Variants in OR6N2 observed in about 807,000 individuals in gnomAD.
The protein encoded by OR6N2 is olfactory receptor family 6 subfamily N member 2, also known as olfactory receptor 6N2.
For missense variants in OR6N2, 399 were observed against 379.7 expected, an observed-to-expected ratio of 1.05 and a Z score of -0.42; for synonymous variants, 160 against 138.3, an observed-to-expected ratio of 1.16 and a Z score of -1.10.
At chr1:158,778,133 A>T (rs1657657533) in intron 1 of OR6N2, among the ~76,000 whole-genome samples, 1 of 152,226 alleles carries the variant, frequency 6.6e-6, no homozygotes, top group Admixed American at 6.5e-5. Context: ...TGTAGTAGCA[A>T]ATATTTTCCT....
rs1657641279 is a variant in OR6N2 at position 158,777,603 on chromosome 1, T to C, written c.33A>G (p.Glu11=). The C allele has an allele frequency of 1.2e-6, 2 of 1,613,646 alleles. No individual in the cohort carries two copies. The highest frequency in any genetic ancestry group is 8.5e-7 in the Non-Finnish European group (1 of 1,179,852). The change falls in exon 2 of 2, where the codon GAA becomes GAG. Residue 11 remains glutamate, a synonymous_variant. Transcript: ENST00000641131. MDQYNHSSLA[E]FVFLGFASVG... ...CACTGGCAAAGCCAAGGAACACAAA[T>C]TCAGCCAGGCTTGAATGGTTGTATT...
Position 158,776,796 on chromosome 1 carries a change from T to C in OR6N2, c.840A>G (p.Val280=), listed in dbSNP as rs2102014466. The change falls in exon 2 of 2, where the codon GTA becomes GTG. Residue 280 remains valine (V), a synonymous_variant. Transcript: ENST00000641131. The part of the protein sequence containing the change: ...LDRTLAIVYS[V]LTPMVNPIIY... Reference sequence around the variant, plus strand: ...TAATTGGATTGACCATTGGTGTTAGTACGGAGTAAACTATAGCAAGTGTTC... The same window carrying C: ...TAATTGGATTGACCATTGGTGTTAGCACGGAGTAAACTATAGCAAGTGTTC... 6.2e-7 allele frequency: 1 copy of C among 1,614,068 alleles called. No individual in the cohort carries two copies. The highest frequency in any genetic ancestry group is 1.1e-5 in the South Asian group (1 of 91,084).
At chr1:158,779,727 C>A (rs1657702802) in intron 1 of OR6N2, among the ~76,000 whole-genome samples, 1 of 152,182 alleles carries the variant, frequency 6.6e-6, no homozygotes, top group Non-Finnish European at 1.5e-5. Flanking sequence ...TAAGTCATCT[C>A]TCTTCTCTCC....
At chr1:158,778,655 G>C (rs1464208707) in intron 1 of OR6N2, among the ~76,000 whole-genome samples, 1 of 152,156 alleles carries the variant, frequency 6.6e-6, no homozygotes, top group Admixed American at 6.5e-5. Flanking sequence ...AGATGAAGGT[G>C]TGAATTTGCC....
At chr1:158,779,300 C>A (rs559393046) in intron 1 of OR6N2, among the ~76,000 whole-genome samples, 29 of 131,794 alleles carry the variant, frequency 2.2e-4, no homozygotes, top group Admixed American at 1.6e-3. Context: ...GATCATACTG[C>A]AATTGAAGAG....
rs1185910575 is a variant in OR6N2 at position 158,774,468 on chromosome 1, G to A, written c.*2214C>T. 1 of 152,098 alleles carries A rather than the reference G, an allele frequency of 6.6e-6. No individual in the cohort carries two copies. Among genetic ancestry groups the A allele is most frequent in the Non-Finnish European group, 1.5e-5 (1 of 68,042 alleles). The allele number at this position is 152,098 out of a possible 1,614,324, so 9.4% of individuals were successfully genotyped here. A position where few individuals can be genotyped will look rare whatever the true frequency, so the allele number is the denominator to read the frequency against. The stretch of plus-strand genomic sequence containing the variant: ...TCCCACAGCTCAGGAAAGCTGCCCA[G>A]GCTGAATGAACTCTCACTACACATG... On this transcript the variant is annotated 3_prime_UTR_variant, in exon 2 of 2. Transcript: ENST00000641131.
At chr1:158,779,795 A>G (rs1255778747) in intron 1 of OR6N2, among the ~76,000 whole-genome samples, 3 of 152,316 alleles carry the variant, frequency 2.0e-5, no homozygotes, top group South Asian at 4.1e-4. Flanking sequence ...CCTTAAATAT[A>G]CTTTTACTGA....
At position 158,777,573 on chromosome 1, in the gene OR6N2, G is replaced by A. The variant is rs1386544436; in HGVS notation, c.63C>T (p.Gly21=). The change falls in exon 2 of 2, where the codon GGC becomes GGT. Residue 21 remains glycine (G), a synonymous_variant. Transcript: ENST00000641131. Reference sequence around the variant, plus strand: ...GGACAAAAAGCCAGCCCCTGACATAGCCCACACTGGCAAAGCCAAGGAACA... The same window carrying A: ...GGACAAAAAGCCAGCCCCTGACATAACCCACACTGGCAAAGCCAAGGAACA... The part of the protein sequence containing the change: ...EFVFLGFASV[G]YVRGWLFVLL... 3 of 1,614,062 alleles carry A rather than the reference G, an allele frequency of 1.9e-6. No homozygotes were observed. Among genetic ancestry groups the A allele is most frequent in the East Asian group, 2.2e-5 (1 of 44,874 alleles).
rs1657564952 is a variant in OR6N2, at chr1:158,775,360, A to G, written c.*1322T>C. 2 of 152,196 alleles carry G rather than the reference A, an allele frequency of 1.3e-5. No homozygotes were observed. The highest frequency in any genetic ancestry group is 4.8e-5 in the African/African-American group (2 of 41,452). The allele number at this position is 152,196 out of a possible 1,614,324, so 9.4% of individuals were successfully genotyped here. A position where few individuals can be genotyped will look rare whatever the true frequency, so the allele number is the denominator to read the frequency against. On this transcript the variant is annotated 3_prime_UTR_variant, in exon 2 of 2. Coordinates refer to ENST00000641131, the MANE Select transcript of OR6N2 (RefSeq NM_001005278.2). Reference sequence around the variant, plus strand: ...GAAGATCCTGAAGCCAGAAAAATCCATAATGTATTTGAAGACCTGAAAGAG... The same window carrying G: ...GAAGATCCTGAAGCCAGAAAAATCCGTAATGTATTTGAAGACCTGAAAGAG...
In OR6N2 at chr1:158,776,044, G is replaced by A. The variant is rs924270391; in HGVS notation, c.*638C>T. 5.9e-5 allele frequency: 9 copies of A among 151,644 alleles called. No individual in the cohort carries two copies. The allele number at this position is 151,644 out of a possible 1,614,324, so 9.4% of individuals were successfully genotyped here. On this transcript the variant is annotated 3_prime_UTR_variant, in exon 2 of 2. Transcript: ENST00000641131. Reference sequence around the variant, plus strand: ...ATAGAGATCATATTTAAATCCATAAGAATAACTCCGAGTATCTAGGGAGAT... The same window carrying A: ...ATAGAGATCATATTTAAATCCATAAAAATAACTCCGAGTATCTAGGGAGAT...
chr1:158,777,704 C>T (rs917131163), intron 1 of OR6N2, 63 bp from the exon 2 acceptor site: 2 of 927,808 alleles, frequency 2.2e-6, no homozygotes, highest in Admixed American at 5.1e-5. Flanking sequence ...CATGCCAAAA[C>T]TTCATTTCTC....
intron 1 of OR6N2, among the ~76,000 whole-genome samples, chr1:158,778,264 A>C (rs183489356): frequency 2.0e-5 from 3 of 152,346 alleles, no homozygotes; most frequent in Admixed American, 2.0e-4. Flanking sequence ...AGAGAAGCAG[A>C]CATCTCAATA....
rs1657546132 is a variant in OR6N2, at chr1:158,774,874, C to A, written c.*1808G>T. 6.6e-6 allele frequency: 1 copy of A among 152,136 alleles called. No homozygotes were observed. The highest frequency in any genetic ancestry group is 2.1e-4 in the South Asian group (1 of 4,828). The allele number at this position is 152,136 out of a possible 1,614,324, so 9.4% of individuals were successfully genotyped here. A position where few individuals can be genotyped will look rare whatever the true frequency, so the allele number is the denominator to read the frequency against. On this transcript the variant is annotated 3_prime_UTR_variant, in exon 2 of 2. Coordinates refer to ENST00000641131, the MANE Select transcript of OR6N2 (RefSeq NM_001005278.2). ...TGAGTACAAATAGGGAAGACCGATG[C>A]ATTCTATAGAACAGTGGGTTTCAGT...
intron 1 of OR6N2, among the ~76,000 whole-genome samples, chr1:158,778,815 C>T (rs1439976522): frequency 6.6e-6 from 1 of 151,274 alleles, no homozygotes; most frequent in Non-Finnish European, 1.5e-5. Flanking sequence ...GAGATTGAGA[C>T]CATCCTGGCT....
rs1339347796 is a variant in OR6N2 at position 158,777,463 on chromosome 1, G to GGT, written c.171_172dup (p.Pro58HisfsTer78). The stretch of plus-strand genomic sequence containing the variant: ...AAGAACACTGACAAAGTGGTACATA[G>GGT]GTGTGTGCAGAGCTGCATCCAGTCG... On this transcript the variant is annotated frameshift_variant, in exon 2 of 2. Coordinates refer to ENST00000641131, the MANE Select transcript of OR6N2 (RefSeq NM_001005278.2). LOFTEE classifies it low-confidence loss of function (END_TRUNC). 6.2e-7 allele frequency: 1 copy of GGT among 1,614,190 alleles called. No individual in the cohort carries two copies. The highest frequency in any genetic ancestry group is 2.2e-5 in the East Asian group (1 of 44,876).
At chr1:158,780,600 C>T (rs927642890) in intron 1 of OR6N2, among the ~76,000 whole-genome samples, 8 of 152,206 alleles carry the variant, frequency 5.3e-5, no homozygotes, top group Non-Finnish European at 1.0e-4. Flanking sequence ...AGAGAACTTG[C>T]ATTAGCCTAC....
At chr1:158,780,708 G>GTAAA (rs1438427384) in intron 1 of OR6N2, among the ~76,000 whole-genome samples, 2 of 152,280 alleles carry the variant, frequency 1.3e-5, no homozygotes, top group African/African-American at 4.8e-5. Flanking sequence ...TCATACTGTT[G>GTAAA]TAAAGTAGAA....
In OR6N2 at chr1:158,776,607, G is replaced by T; in HGVS notation, c.*75C>A. The stretch of plus-strand genomic sequence containing the variant: ...TGAAAGGAAATGAAATTCAGAGCAT[G>T]TGTGATGATGGGAAGATTACTCAAG... On this transcript the variant is annotated 3_prime_UTR_variant, in exon 2 of 2. Coordinates refer to ENST00000641131, the MANE Select transcript of OR6N2 (RefSeq NM_001005278.2). 1.3e-6 allele frequency: 1 copy of T among 777,934 alleles called. No homozygotes were observed. The highest frequency in any genetic ancestry group is 2.1e-6 in the Non-Finnish European group (1 of 473,128). 48.2% of individuals were successfully genotyped at this position (777,934 alleles called of 1,614,324 possible). A position where few individuals can be genotyped will look rare whatever the true frequency, so the allele number is the denominator to read the frequency against.
At chr1:158,777,779 T>C in intron 1 of OR6N2, 138 bp from the exon 2 acceptor site, 1 of 597,206 alleles carries the variant, frequency 1.7e-6, no homozygotes, top group Admixed American at 3.1e-5. Flanking sequence ...ACTATTACTA[T>C]TACTGTAAAA....
Sources: gnomAD v4.1 joint callset for allele counts (sites outside exome capture counted in the v4.1 genomes callset) on GRCh38, gnomAD v4.1.1 for gene constraint, MANE v1.5 for transcripts, NCBI Gene and HGNC (gene_info 2026-07-23, HGNC 2026-07-21) for gene names.